ACACA: variants seen among roughly 807,000 people sequenced by gnomAD.
The protein encoded by ACACA is acetyl-CoA carboxylase 1.
A neutral mutation model predicts 296.1 loss-of-function variants in ACACA; 103 were observed. The observed-to-expected ratio is 0.35, with a 90% confidence interval of 0.30 to 0.41. ACACA has a LOEUF of 0.41. ACACA is among the 10% of genes least tolerant of loss of function. The pLI is 1.00. For synonymous variants in ACACA, 953 were observed against 1,038.6 expected (o/e 0.92, Z 1.58); for missense variants, 1,554 against 2,989.7 (o/e 0.52, Z 11.20).
At chr17:37,266,032 G>T (rs1040159036) in intron 10 of ACACA, among the ~76,000 whole-genome samples, 4 of 152,008 alleles carry the variant, frequency 2.6e-5, no homozygotes, top group Non-Finnish European at 4.4e-5. Context: ...GGGGTTCACC[G>T]CTCACCCAAA....
At chr17:37,129,084 A>G (rs933289675) in intron 47 of ACACA, among the ~76,000 whole-genome samples, 2 of 152,272 alleles carry the variant, frequency 1.3e-5, no homozygotes, top group Admixed American at 6.5e-5. Context: ...CCATTAAGTA[A>G]TAAGTGCTTT....
At chr17:37,088,185 A>C (rs1261281883) in intron 55 of ACACA, among the ~76,000 whole-genome samples, 2 of 151,952 alleles carry the variant, frequency 1.3e-5, no homozygotes, top group Non-Finnish European at 2.9e-5. Flanking sequence ...GATGGTAGAT[A>C]TCAGATAAAA....
At chr17:37,108,988 T>TAGA in intron 52 of ACACA, among the ~76,000 whole-genome samples, 1 of 152,186 alleles carries the variant, frequency 6.6e-6, no homozygotes, top group East Asian at 1.9e-4. Flanking sequence ...TGATGTACAT[T>TAGA]TATTTATTTT....
intron 52 of ACACA, among the ~76,000 whole-genome samples, chr17:37,102,984 A>G (rs1480373879): frequency 6.6e-6 from 1 of 152,244 alleles, no homozygotes; most frequent in Non-Finnish European, 1.5e-5. Flanking sequence ...CAAAACAAGG[A>G]AAAGACTGAA....
intron 47 of ACACA, 147 bp from the exon 48 acceptor site, chr17:37,125,941 C>T: frequency 1.4e-6 from 1 of 713,758 alleles, no homozygotes. Context: ...AAGCATTAGG[C>T]AGCTGAATGT....
At chr17:37,205,520 T>C (rs1466766185) in intron 33 of ACACA, among the ~76,000 whole-genome samples, 4 of 152,190 alleles carry the variant, frequency 2.6e-5, no homozygotes, top group Non-Finnish European at 4.4e-5. Context: ...GGGAGAGATT[T>C]AGGAAGATAA....
At chr17:37,137,633 T>C (rs533436060) in intron 45 of ACACA, among the ~76,000 whole-genome samples, 1 of 152,326 alleles carries the variant, frequency 6.6e-6, no homozygotes, top group South Asian at 2.1e-4. Flanking sequence ...AAATAAGTCT[T>C]TCATATTAGT....
intron 3 of ACACA, among the ~76,000 whole-genome samples, chr17:37,298,576 AC>A (rs931272102): frequency 2.6e-5 from 4 of 152,144 alleles, no homozygotes; most frequent in African/African-American, 9.7e-5. Flanking sequence ...AGTCCCAGCT[AC>A]CCAGGAGGCT....
intron 3 of ACACA, among the ~76,000 whole-genome samples, chr17:37,305,895 T>C (rs991910383): frequency 9.1e-5 from 9 of 98,952 alleles, no homozygotes; most frequent in Middle Eastern, 4.6e-3. Flanking sequence ...TTTAGCAGTT[T>C]TTTTTTTTGT....
chr17:37,126,104 A>C (rs562674747), intron 47 of ACACA, among the ~76,000 whole-genome samples: 37 of 152,236 alleles, frequency 2.4e-4, no homozygotes, highest in Non-Finnish European at 5.3e-4. Flanking sequence ...ACTTTCTTCA[A>C]GACACTACAA....
chr17:37,383,232 T>C (rs1236889070), intron 1 of ACACA, among the ~76,000 whole-genome samples: 1 of 152,182 alleles, frequency 6.6e-6, no homozygotes, highest in Non-Finnish European at 1.5e-5. Flanking sequence ...CTAGGCATTG[T>C]GAGACTTGGG....
At chr17:37,327,130 T>C (rs907216158) in intron 3 of ACACA, among the ~76,000 whole-genome samples, 8 of 152,298 alleles carry the variant, frequency 5.3e-5, no homozygotes, top group Non-Finnish European at 8.8e-5. Flanking sequence ...TAAGAGCTGA[T>C]CCTAAACTCA....
Position 37,252,089 on chromosome 17 carries a change from A to G in ACACA, c.1997T>C (p.Met666Thr), listed in dbSNP as rs2081020353. Residue 666 changes from methionine (M) to threonine (T), a missense_variant, in exon 16 of 56, where the codon ATG becomes ACG. This residue lies in a region of ACACA where 316 missense variants were observed against 540.9 expected (regional missense o/e 0.58). Coordinates refer to ENST00000616317, the MANE Select transcript of ACACA (RefSeq NM_198834.3). The stretch of plus-strand genomic sequence containing the variant: ...GAGGGCACCACACACAACCCCCAAC[A>G]TGGTGTCAGGTCGCTCAGCCTGAAA... Reference protein sequence around the residue: ...EKVQAERPDTMLGVVCGALHV... With the variant: ...EKVQAERPDTTLGVVCGALHV... 2 of 1,614,156 alleles carry G rather than the reference A, an allele frequency of 1.2e-6. No individual in the cohort carries two copies. Among genetic ancestry groups the G allele is most frequent in the South Asian group, 2.2e-5 (2 of 91,086 alleles).
intron 24 of ACACA, 84 bp downstream of exon 24, chr17:37,240,392 C>A: frequency 8.2e-7 from 1 of 1,221,012 alleles, no homozygotes; most frequent in South Asian, 1.3e-5. Flanking sequence ...GGGCTTAGCT[C>A]TTACACAGTC....
chr17:37,331,431 C>T (rs1486855538), intron 2 of ACACA, among the ~76,000 whole-genome samples: 2 of 149,532 alleles, frequency 1.3e-5, no homozygotes, highest in African/African-American at 2.5e-5. Context: ...TTTTTTGAGA[C>T]GGAGTCTCAC....
intron 54 of ACACA, among the ~76,000 whole-genome samples, chr17:37,094,765 T>C (rs931305423): frequency 2.6e-5 from 4 of 152,202 alleles, no homozygotes; most frequent in African/African-American, 9.7e-5. Context: ...TGCCCTGACA[T>C]CATAGGATTA....
chr17:37,218,227 C>A (rs1231586121), intron 29 of ACACA, among the ~76,000 whole-genome samples: 3 of 150,318 alleles, frequency 2.0e-5, no homozygotes, highest in Non-Finnish European at 4.4e-5. Flanking sequence ...TCTAATATAG[C>A]AGCCATTAGC....
intron 52 of ACACA, among the ~76,000 whole-genome samples, chr17:37,100,132 G>T (rs2073273384): frequency 6.6e-6 from 1 of 152,178 alleles, no homozygotes. Flanking sequence ...TAGCGGAAAT[G>T]ATGGAATTAG....
chr17:37,173,677 A>C (rs2076958614), intron 41 of ACACA, among the ~76,000 whole-genome samples: 1 of 151,920 alleles, frequency 6.6e-6, no homozygotes, highest in African/African-American at 2.4e-5. Flanking sequence ...CATTGCCAAC[A>C]ATTAAAACAA....
Sources: gnomAD v4.1 joint callset for allele counts (sites outside exome capture counted in the v4.1 genomes callset) on GRCh38, gnomAD v4.1.1 for gene constraint, gnomAD v4.1.1 regional missense constraint, MANE v1.5 for transcripts, NCBI Gene and HGNC (gene_info 2026-07-23, HGNC 2026-07-21) for gene names.